The following ADAMTS9 variants were observed in gnomAD, a reference collection of about 807,000 sequenced individuals.
ADAMTS9 encodes A disintegrin and metalloproteinase with thrombospondin motifs 9.
Under a neutral mutation model 257.1 loss-of-function variants are expected in ADAMTS9, and 107 were observed. The ratio of observed to expected loss-of-function variants is 0.42; its 90% CI spans 0.36 to 0.49. The LOEUF is 0.49. Among genes scored for constraint, ADAMTS9 ranks in the 20% least tolerant of loss-of-function variants. ADAMTS9 has a pLI of 0.03. For synonymous variants in ADAMTS9, 982 were observed against 880.9 expected, an observed-to-expected ratio of 1.11 and a Z score of -2.03; for missense variants, 2,353 against 2,469.1, an observed-to-expected ratio of 0.95 and a Z score of 1.00.
chr3:64,626,659 A>G (rs138552320), intron 16 of ADAMTS9, among the ~76,000 whole-genome samples: 1 of 152,340 alleles, frequency 6.6e-6, no homozygotes, highest in East Asian at 1.9e-4. Flanking sequence ...TATGCACGTA[A>G]GAAACCTGTA....
chr3:64,622,361 G>A (rs773654692), intron 17 of ADAMTS9, 34 bp from the exon 18 acceptor site: 2 of 1,612,962 alleles, frequency 1.2e-6, no homozygotes, highest in Admixed American at 1.7e-5. Context: ...AACGAACTGG[G>A]TGGGCTTAGT....
intron 16 of ADAMTS9, among the ~76,000 whole-genome samples, chr3:64,630,343 C>A (rs915391558): frequency 2.0e-5 from 3 of 152,068 alleles, no homozygotes; most frequent in Admixed American, 2.0e-4. Context: ...GCAGGAAGAT[C>A]GCTTGAGGCC....
intron 28 of ADAMTS9, among the ~76,000 whole-genome samples, chr3:64,574,430 A>G (rs777417790): frequency 6.6e-6 from 1 of 151,874 alleles, no homozygotes; most frequent in African/African-American, 2.4e-5. Context: ...GTTAGGCTTT[A>G]CATACAGCAT....
At chr3:64,582,633 T>C (rs535853167) in intron 28 of ADAMTS9, 1 of 152,266 alleles carries the variant, frequency 6.6e-6, no homozygotes, top group South Asian at 2.1e-4. Context: ...TTTTTCACTG[T>C]CACAACCGAG....
intron 8 of ADAMTS9, among the ~76,000 whole-genome samples, chr3:64,653,199 C>A (rs894038478): frequency 1.5e-4 from 23 of 152,022 alleles, no homozygotes; most frequent in Admixed American, 7.9e-4. Context: ...TGATCAAGTC[C>A]CACCGCCACT....
chr3:64,615,604 T>A, intron 20 of ADAMTS9, 119 bp from the exon 21 acceptor site: 1 of 1,080,028 alleles, frequency 9.3e-7, no homozygotes, highest in Non-Finnish European at 1.3e-6. Flanking sequence ...TGGCCAACTC[T>A]AGTTATTTTG....
At chr3:64,561,548 T>G in intron 30 of ADAMTS9, 30 bp downstream of exon 30, 1 of 1,599,770 alleles carries the variant, frequency 6.3e-7, no homozygotes, top group Non-Finnish European at 8.5e-7. Context: ...GTGAAATGCC[T>G]GGCAGGTACC....
At chr3:64,662,357 T>G (rs773268757) in intron 3 of ADAMTS9, among the ~76,000 whole-genome samples, 7 of 152,158 alleles carry the variant, frequency 4.6e-5, no homozygotes, top group Non-Finnish European at 8.8e-5. Flanking sequence ...TGTTTCATGT[T>G]CACCTCAGAA....
chr3:64,560,880 C>G lies in ADAMTS9; in HGVS notation c.4698+698G>C, dbSNP rs1057163890. 3.3e-5 allele frequency among the ~76,000 whole-genome samples: 5 copies of G among 152,104 alleles called. No individual in the cohort carries two copies. The South Asian group carries it at 8.3e-4, about 25-fold the overall frequency. On this transcript the variant is annotated intron_variant, in intron 30 of 39. Transcript: ENST00000498707. Reference sequence around the variant, plus strand: ...TTTTGCTTTCTAATTCTTTCCCCCCCTTTTCTACAGTTTAATCTTCTGTTC... The same window carrying G: ...TTTTGCTTTCTAATTCTTTCCCCCCGTTTTCTACAGTTTAATCTTCTGTTC...
At chr3:64,624,124 A>T (rs1700171241) in intron 16 of ADAMTS9, among the ~76,000 whole-genome samples, 1 of 151,946 alleles carries the variant, frequency 6.6e-6, no homozygotes, top group African/African-American at 2.4e-5. Context: ...AAGCAAGATG[A>T]ATACATTCTG....
At chr3:64,532,826 C>T (rs986310577) in intron 38 of ADAMTS9, among the ~76,000 whole-genome samples, 8 of 152,078 alleles carry the variant, frequency 5.3e-5, no homozygotes, top group Non-Finnish European at 8.8e-5. Flanking sequence ...TAGAACGAAC[C>T]GCAAGCTGGC....
intron 38 of ADAMTS9, among the ~76,000 whole-genome samples, chr3:64,529,183 T>G (rs1292188106): frequency 6.6e-6 from 1 of 152,256 alleles, no homozygotes; most frequent in Admixed American, 6.5e-5. Flanking sequence ...GTAGCTATTT[T>G]AACCATAATT....
chr3:64,599,725 C>G (rs1211690562), intron 26 of ADAMTS9, among the ~76,000 whole-genome samples: 5 of 152,230 alleles, frequency 3.3e-5, no homozygotes, highest in Non-Finnish European at 5.9e-5. Context: ...AGTTACCCCT[C>G]TATCTAGATC....
At chr3:64,608,385 TC>T (rs906482596) in intron 22 of ADAMTS9, among the ~76,000 whole-genome samples, 1 of 150,258 alleles carries the variant, frequency 6.7e-6, no homozygotes, top group African/African-American at 2.5e-5. Context: ...TTTGAAAAGA[TC>T]AACAAAATTG....
chr3:64,599,583 C>G (rs2084421743), intron 26 of ADAMTS9, among the ~76,000 whole-genome samples: 1 of 152,208 alleles, frequency 6.6e-6, no homozygotes, highest in Non-Finnish European at 1.5e-5. Flanking sequence ...TTAAGACACT[C>G]TGCCCTATTG....
intron 8 of ADAMTS9, among the ~76,000 whole-genome samples, chr3:64,654,109 A>C (rs992572805): frequency 6.6e-6 from 1 of 152,206 alleles, no homozygotes; most frequent in Non-Finnish European, 1.5e-5. Context: ...TTGTGTATTA[A>C]ACTTGAGCAG....
At chr3:64,654,323 A>T in intron 8 of ADAMTS9, 30 bp downstream of exon 8, 2 of 1,597,752 alleles carry the variant, frequency 1.3e-6, no homozygotes, top group Non-Finnish European at 8.5e-7. Context: ...GTCACTCCAA[A>T]TTAAATGAAA....
intron 39 of ADAMTS9, 111 bp downstream of exon 39, chr3:64,522,055 G>T: frequency 1.2e-6 from 1 of 844,002 alleles, no homozygotes; most frequent in Non-Finnish European, 1.9e-6. Context: ...TATTGGGTCA[G>T]CTTCAAGATG....
chr3:64,654,413 G>C lies in ADAMTS9; in HGVS notation c.1256C>G (p.Ser419Cys). 1.2e-6 allele frequency: 2 copies of C among 1,614,116 alleles called. No homozygotes were observed. Among genetic ancestry groups the C allele is most frequent in the Non-Finnish European group, 8.5e-7 (1 of 1,180,022 alleles). The change falls in exon 8 of 40, where the codon TCT becomes TGT. Residue 419 changes from serine (S) to cysteine (C), a missense_variant. Physicochemically the swap from Ser to Cys is moderately radical, Grantham distance 112. Transcript: ENST00000498707. ...GTICDPYRSC[S>C]ISEDSGLSTA... Reference sequence around the variant, plus strand: ...ACTCAATCCACTATCTTCACTAATAGAACAGCTTCTATAGGGATCACAAAT... The same window carrying C: ...ACTCAATCCACTATCTTCACTAATACAACAGCTTCTATAGGGATCACAAAT...
Sources: allele counts gnomAD v4.1 joint callset (sites outside exome capture counted in the v4.1 genomes callset), GRCh38; gene constraint gnomAD v4.1.1; transcripts MANE v1.5; gene names NCBI Gene and HGNC (gene_info 2026-07-23, HGNC 2026-07-21).